USP6NL: variants seen among roughly 807,000 people sequenced by gnomAD.
USP6NL encodes the protein USP6 N-terminal like.
USP6NL carries 26 observed loss-of-function variants against 61.9 expected under a neutral mutation model. The ratio of observed to expected loss-of-function variants is 0.42; its 90% confidence interval spans 0.31 to 0.58. The LOEUF (loss-of-function observed/expected upper bound fraction) is 0.58, where lower values mean the gene tolerates loss of function less well. Among genes scored for constraint, USP6NL ranks in the 20% least tolerant of loss-of-function variants. USP6NL has a pLI of 0.16. For missense variants in USP6NL, 1,114 were observed against 1,034.3 expected (o/e 1.08, Z -1.06); for synonymous variants, 432 against 390.1 (o/e 1.11, Z -1.27).
At chr10:11,541,447 T>C (rs956375965) in intron 2 of USP6NL, among the ~76,000 whole-genome samples, 5 of 151,426 alleles carry the variant, frequency 3.3e-5, no homozygotes, top group African/African-American at 7.3e-5. Context: ...ATTAAACAAA[T>C]GAGAAAATTG....
intron 2 of USP6NL, among the ~76,000 whole-genome samples, chr10:11,583,176 T>A (rs7917332): frequency 6.7e-6 from 1 of 149,842 alleles, no homozygotes; most frequent in Non-Finnish European, 1.5e-5. Context: ...CATATTATTA[T>A]GTTTTCAATT....
rs1297950154 is a variant in USP6NL, at chr10:11,589,837, G to T, written c.4+7794C>A. On this transcript the variant is annotated intron_variant, in intron 2 of 14. Transcript: ENST00000609104. The surrounding 1 kb of genome is among the most constrained non-coding windows in gnomAD (Gnocchi z 4.7). ...TTTTATTGTTTAAAGCTTAACACCT[G>T]AATGCTACCAATGTGTGAGAACAAA... Among the ~76,000 whole-genome samples, 5 of 152,196 alleles carry T rather than the reference G, an allele frequency of 3.3e-5. No homozygotes were observed. Among genetic ancestry groups the T allele is most frequent in the Non-Finnish European group, 7.3e-5 (5 of 68,038 alleles).
rs1380199893 is a variant in USP6NL at position 11,490,265 on chromosome 10, C to G, written c.543+567G>C. 6.6e-6 allele frequency among the ~76,000 whole-genome samples: 1 copy of G among 152,122 alleles called. No individual in the cohort carries two copies. Among genetic ancestry groups the G allele is most frequent in the African/African-American group, 2.4e-5 (1 of 41,424 alleles). The stretch of plus-strand genomic sequence containing the variant: ...TAGTCAACAAGTATTCATTTAACAC[C>G]CACATTAAGTCCAACACAAATTAAT... On this transcript the variant is annotated intron_variant, in intron 9 of 14. Transcript: ENST00000609104. This position sits in a 1 kb window ranked among gnomAD's most constrained non-coding sequence, Gnocchi z 4.5.
intron 1 of USP6NL, among the ~76,000 whole-genome samples, chr10:11,608,318 G>A (rs1029761763): frequency 1.3e-5 from 2 of 152,214 alleles, no homozygotes; most frequent in Non-Finnish European, 2.9e-5. Flanking sequence ...CGAGTAGAAT[G>A]ACTTCCCTTC....
chr10:11,605,126 G>A (rs1250936826), intron 1 of USP6NL, among the ~76,000 whole-genome samples: 8 of 152,176 alleles, frequency 5.3e-5, no homozygotes, highest in South Asian at 2.1e-4. Flanking sequence ...GCCACCATCC[G>A]AAGAGAAGAC....
intron 13 of USP6NL, among the ~76,000 whole-genome samples, chr10:11,483,826 A>G (rs1833346909): frequency 6.6e-6 from 1 of 152,110 alleles, no homozygotes; most frequent in African/African-American, 2.4e-5. Flanking sequence ...TTGGGGAAAG[A>G]AGAACTGAGT....
At chr10:11,599,383 C>T (rs756453523) in intron 1 of USP6NL, among the ~76,000 whole-genome samples, 4 of 152,148 alleles carry the variant, frequency 2.6e-5, no homozygotes, top group Non-Finnish European at 4.4e-5. Flanking sequence ...CATTAAAGCA[C>T]CTTGTGCGAT....
chr10:11,609,907 A>T (rs1295460844), intron 1 of USP6NL, among the ~76,000 whole-genome samples: 1 of 152,256 alleles, frequency 6.6e-6, no homozygotes, highest in African/African-American at 2.4e-5. Flanking sequence ...TCAAAACATT[A>T]TTAAAACTGG....
chr10:11,578,647 A>G lies in USP6NL; in HGVS notation c.4+18984T>C, dbSNP rs533348951. 4.0e-4 allele frequency among the ~76,000 whole-genome samples: 61 copies of G among 152,338 alleles called. 1 individual carries two copies. The South Asian group carries it at 0.011, about 26-fold the overall frequency. ...ATCAAAATTATTTTTTAAAATTTTT[A>G]AAGAATTCAGATATAGACACCCTTC... On this transcript the variant is annotated intron_variant, in intron 2 of 14. Transcript: ENST00000609104.
intron 2 of USP6NL, among the ~76,000 whole-genome samples, chr10:11,577,532 G>A (rs143659195): frequency 1.3e-5 from 2 of 151,890 alleles, no homozygotes; most frequent in African/African-American, 4.8e-5. Context: ...ACAGAGTCTC[G>A]CTCTGTCAGC....
At chr10:11,543,811 T>G (rs1284654421) in intron 2 of USP6NL, among the ~76,000 whole-genome samples, 10 of 123,810 alleles carry the variant, frequency 8.1e-5, no homozygotes, top group South Asian at 3.1e-4. Flanking sequence ...AGGTTTTTTT[T>G]TTTTTTTTTT....
intron 14 of USP6NL, among the ~76,000 whole-genome samples, chr10:11,471,479 T>C (rs567525025): frequency 5.3e-5 from 8 of 152,308 alleles, no homozygotes; most frequent in African/African-American, 1.9e-4. Context: ...TTACTGGATA[T>C]ATACCCAAAG....
At chr10:11,571,283 TC>T (rs1243364352) in intron 2 of USP6NL, among the ~76,000 whole-genome samples, 1 of 151,954 alleles carries the variant, frequency 6.6e-6, no homozygotes, top group African/African-American at 2.4e-5. Flanking sequence ...ACATGGTTTC[TC>T]CATGTTCGTC....
In USP6NL at chr10:11,545,990, T is replaced by C. The variant is rs190196585; in HGVS notation, c.5-18423A>G. ...AAACTTACTGACAAACAGCTTACAT[T>C]ACTATCCTTGTGAACAGTAAATTAC... On this transcript the variant is annotated intron_variant, in intron 2 of 14. Coordinates refer to ENST00000609104, the MANE Select transcript of USP6NL (RefSeq NM_014688.5). Among the ~76,000 whole-genome samples the C allele has an allele frequency of 1.7e-4, 26 of 152,340 alleles. No individual in the cohort carries two copies. The East Asian group carries it at 4.8e-3, about 28-fold the overall frequency.
At chr10:11,512,898 T>C (rs1346202628) in intron 5 of USP6NL, among the ~76,000 whole-genome samples, 1 of 152,210 alleles carries the variant, frequency 6.6e-6, no homozygotes, top group African/African-American at 2.4e-5. Context: ...TTCTGTCCCA[T>C]ACTGTTTCAT....
chr10:11,493,493 G>T lies in USP6NL; in HGVS notation c.385-265C>A, dbSNP rs934924134. Among the ~76,000 whole-genome samples the T allele has an allele frequency of 5.3e-5, 8 of 151,902 alleles. 1 individual carries two copies. Among genetic ancestry groups the T allele is most frequent in the Admixed American group, 5.2e-4 (8 of 15,254 alleles). On this transcript the variant is annotated intron_variant, in intron 7 of 14. Transcript: ENST00000609104. ...GTCTATCTAGTTAATTTTAATTTAGGATAGAGAACTTTTCAGAGTTGGCAC... is the reference window on the plus strand; with the variant it reads ...GTCTATCTAGTTAATTTTAATTTAGTATAGAGAACTTTTCAGAGTTGGCAC...
chr10:11,479,566 T>TTTTTTTTTTTGTGG (rs1566121168), intron 14 of USP6NL, among the ~76,000 whole-genome samples: 21 of 108,318 alleles, frequency 1.9e-4, no homozygotes, highest in African/African-American at 6.3e-4. Flanking sequence ...CATGTAGGTG[T>TTTTTTTTTTTGTGG]TTTTTTTTTT....
rs1294824147 is a variant in USP6NL at position 11,575,696 on chromosome 10, A to T, written c.4+21935T>A. ...GCTTAGCTTCTGCTAAGCAATCAAT[A>T]GCTTTTTCTTGTTTCTCTCATTTTT... On this transcript the variant is annotated intron_variant, in intron 2 of 14. Coordinates refer to ENST00000609104, the MANE Select transcript of USP6NL (RefSeq NM_014688.5). The surrounding 1 kb of genome is among the most constrained non-coding windows in gnomAD (Gnocchi z 4.2). Among the ~76,000 whole-genome samples the T allele has an allele frequency of 6.6e-6, 1 of 152,218 alleles. No homozygotes were observed.
chr10:11,550,662 C>A (rs958503511), intron 2 of USP6NL, among the ~76,000 whole-genome samples: 3 of 151,990 alleles, frequency 2.0e-5, no homozygotes, highest in African/African-American at 7.3e-5. Flanking sequence ...GAGGCTGAGG[C>A]AGAAGACTCA....
Sources: gnomAD v4.1 joint callset for allele counts (sites outside exome capture counted in the v4.1 genomes callset) on GRCh38, gnomAD v4.1.1 for gene constraint, Gnocchi (gnomAD v3.1) non-coding constraint, MANE v1.5 for transcripts, NCBI Gene and HGNC (gene_info 2026-07-23, HGNC 2026-07-21) for gene names.